Variants in TECPR2 observed in about 807,000 individuals in gnomAD.
TECPR2 encodes tectonin beta-propeller repeat-containing protein 2.
A neutral mutation model predicts 138.1 loss-of-function variants in TECPR2; 65 were observed. That is an observed-to-expected ratio of 0.47 (90% CI 0.39 to 0.58). The LOEUF (loss-of-function observed/expected upper bound fraction) is 0.58. Among genes scored for constraint, TECPR2 ranks in the 20% least tolerant of loss-of-function variants. The pLI is 0.00. For synonymous variants in TECPR2, 746 were observed against 749.8 expected, an observed-to-expected ratio of 0.99 and a Z score of 0.08; for missense variants, 1,553 against 1,824.5, an observed-to-expected ratio of 0.85 and a Z score of 2.71.
rs1474106093 is a variant in TECPR2 at position 102,445,892 on chromosome 14, T to G, written c.3020T>G (p.Phe1007Cys). The change falls in exon 13 of 20, where the codon TTC (phenylalanine) becomes TGC (cysteine). Residue 1007 changes from phenylalanine to cysteine, a missense_variant. Physicochemically the swap from Phe to Cys is radical, Grantham distance 205. Coordinates refer to ENST00000359520, the MANE Select transcript of TECPR2 (RefSeq NM_014844.5). ...CTGGACATCCATGGGAACCTGTGGT[T>G]CAGAACTGGCATTATTTCCAAGAAG... Reference protein sequence around the residue: ...WALDIHGNLWFRTGIISKKPQ... With the variant: ...WALDIHGNLWCRTGIISKKPQ... 1 of 1,613,956 alleles carries G rather than the reference T, an allele frequency of 6.2e-7. No homozygotes were observed. The highest frequency in any genetic ancestry group is 2.2e-5 in the East Asian group (1 of 44,862).
At chr14:102,410,985 T>C (rs1888833512) in intron 4 of TECPR2, among the ~76,000 whole-genome samples, 1 of 152,304 alleles carries the variant, frequency 6.6e-6, no homozygotes. Flanking sequence ...TTATACCTGT[T>C]TTTCTCCTTC....
chr14:102,444,655 A>G (rs926471611), intron 12 of TECPR2, among the ~76,000 whole-genome samples: 7 of 152,200 alleles, frequency 4.6e-5, no homozygotes, highest in Non-Finnish European at 1.0e-4. Flanking sequence ...TAGCAAGCCA[A>G]TAAACTTTCA....
intron 17 of TECPR2, among the ~76,000 whole-genome samples, chr14:102,479,957 G>A (rs528925077): frequency 6.6e-6 from 1 of 152,354 alleles, no homozygotes; most frequent in South Asian, 2.1e-4. Flanking sequence ...AGGAGGGACT[G>A]TTCCCATTGC....
At chr14:102,483,683 A>G (rs1051326190) in intron 17 of TECPR2, among the ~76,000 whole-genome samples, 10 of 151,622 alleles carry the variant, frequency 6.6e-5, no homozygotes, top group African/African-American at 1.9e-4. Flanking sequence ...GGCTCCAGCA[A>G]TCCTGCCACC....
At chr14:102,390,000 A>T (rs1012705928) in intron 2 of TECPR2, among the ~76,000 whole-genome samples, 1 of 152,248 alleles carries the variant, frequency 6.6e-6, no homozygotes, top group Admixed American at 6.5e-5. Flanking sequence ...CATTCTTAAT[A>T]ATTGAATGAA....
At chr14:102,431,544 G>GCA (rs1316287160) in intron 7 of TECPR2, among the ~76,000 whole-genome samples, 37 of 152,086 alleles carry the variant, frequency 2.4e-4, no homozygotes, top group Non-Finnish European at 4.6e-4. Flanking sequence ...GGGTTTCACT[G>GCA]TGTTAGCCAG....
chr14:102,459,005 A>G (rs1052564070), intron 16 of TECPR2, among the ~76,000 whole-genome samples: 1 of 148,516 alleles, frequency 6.7e-6, no homozygotes. Context: ...TTTTAGTTTG[A>G]CTCACATTAT....
intron 16 of TECPR2, among the ~76,000 whole-genome samples, chr14:102,461,044 C>T (rs947290173): frequency 6.6e-6 from 1 of 151,924 alleles, no homozygotes; most frequent in Admixed American, 6.6e-5. Flanking sequence ...TACCCCTATA[C>T]AAATTACCAG....
chr14:102,363,446 C>T (rs1273555072), intron 1 of TECPR2, among the ~76,000 whole-genome samples: 2 of 152,170 alleles, frequency 1.3e-5, no homozygotes, highest in Non-Finnish European at 2.9e-5. Flanking sequence ...GGCTGCCGGT[C>T]TGGCCGCGGG....
At chr14:102,496,882 C>T in intron 17 of TECPR2, 97 bp from the exon 18 acceptor site, 1 of 1,537,202 alleles carries the variant, frequency 6.5e-7, no homozygotes. Context: ...CTGGCTGCTG[C>T]ATGCTGCCAC....
chr14:102,413,075 C>G (rs745933799), intron 4 of TECPR2, among the ~76,000 whole-genome samples: 42 of 151,808 alleles, frequency 2.8e-4, no homozygotes, highest in Non-Finnish European at 5.7e-4. Flanking sequence ...CAGCCTAGGC[C>G]AAGAGCCAGA....
At chr14:102,380,186 G>T (rs960659801) in intron 2 of TECPR2, among the ~76,000 whole-genome samples, 2 of 149,102 alleles carry the variant, frequency 1.3e-5, no homozygotes, top group African/African-American at 5.0e-5. Flanking sequence ...ATGCACAGAG[G>T]CACCCTAGTC....
rs778115838 is a variant in TECPR2, at chr14:102,432,046, C to T, written c.1335C>T (p.Asn445=). ...GCCAGCCCCTGTCACAGAGATTCAA[C>T]GCCATCAGCTCAGAGGACTTTGACC... ...KGSQPLSQRF[N]AISSEDFDQE... Residue 445 remains asparagine (N), a synonymous_variant, in exon 8 of 20, where the codon AAC becomes AAT. Transcript: ENST00000359520. The T allele has an allele frequency of 8.4e-5, 136 of 1,612,814 alleles. No individual in the cohort carries two copies. In the South Asian group the frequency reaches 1.2e-3, roughly 14 times the overall value.
At chr14:102,369,898 T>G (rs1291588941) in intron 1 of TECPR2, among the ~76,000 whole-genome samples, 1 of 151,694 alleles carries the variant, frequency 6.6e-6, no homozygotes, top group Non-Finnish European at 1.5e-5. Context: ...GAGCTTGCAG[T>G]GAGCCGAGAT....
rs867540467 is a variant in TECPR2 at position 102,393,707 on chromosome 14, C to T, written c.220-13631C>T. ...CCAAGTAGCTGAGATTACAGGTGCG[C>T]ACCACTACCACCTGGCTAATTTTTG... On this transcript the variant is annotated intron_variant, in intron 2 of 19. Coordinates refer to ENST00000359520, the MANE Select transcript of TECPR2 (RefSeq NM_014844.5). Among the ~76,000 whole-genome samples the T allele has an allele frequency of 3.9e-5, 6 of 152,232 alleles. No homozygotes were observed. The South Asian group carries it at 8.3e-4, about 21-fold the overall frequency.
rs146300483 is a variant in TECPR2 at position 102,370,591 on chromosome 14, C to T, written c.-72-6059C>T. 5.1e-3 allele frequency among the ~76,000 whole-genome samples: 774 copies of T among 152,270 alleles called. 8 individuals are homozygous for T. The highest frequency in any genetic ancestry group is 0.017 in the African/African-American group (715 of 41,544). On this transcript the variant is annotated intron_variant, in intron 1 of 19. Coordinates refer to ENST00000359520, the MANE Select transcript of TECPR2 (RefSeq NM_014844.5). ...GGCTGGAGGACAAGTGAGAGATCCTCGGGTGGCAGAGGCCAGATCACCAAG... is the reference window on the plus strand; with the variant it reads ...GGCTGGAGGACAAGTGAGAGATCCTTGGGTGGCAGAGGCCAGATCACCAAG...
At chr14:102,444,895 A>G (rs1426980770) in intron 12 of TECPR2, among the ~76,000 whole-genome samples, 1 of 152,190 alleles carries the variant, frequency 6.6e-6, no homozygotes, top group Non-Finnish European at 1.5e-5. Context: ...CAGAGAGCTG[A>G]GATCGCACCA....
intron 9 of TECPR2, 127 bp downstream of exon 9, chr14:102,435,338 C>A: frequency 7.3e-7 from 1 of 1,365,296 alleles, no homozygotes; most frequent in Non-Finnish European, 9.7e-7. Context: ...CGTAGGCCAA[C>A]TCTGTTTTCA....
At chr14:102,483,791 C>CTTTTTT (rs71119708) in intron 17 of TECPR2, among the ~76,000 whole-genome samples, 51 of 92,410 alleles carry the variant, frequency 5.5e-4, no homozygotes, top group Non-Finnish European at 8.3e-4. Context: ...TTTTCCTTTT[C>CTTTTTT]TTTTTTTTTT....
Sources: gnomAD v4.1 joint callset for allele counts (sites outside exome capture counted in the v4.1 genomes callset) on GRCh38, gnomAD v4.1.1 for gene constraint, MANE v1.5 for transcripts, NCBI Gene and HGNC (gene_info 2026-07-23, HGNC 2026-07-21) for gene names.